The following TESK2 variants were observed in gnomAD, a reference collection of about 807,000 sequenced individuals.
The protein encoded by TESK2 is dual specificity testis-specific protein kinase 2.
A neutral mutation model predicts 57.1 loss-of-function variants in TESK2; 39 were observed. That is an observed-to-expected ratio of 0.68 (90% CI 0.53 to 0.89). The LOEUF (loss-of-function observed/expected upper bound fraction) is 0.89. Among genes scored for constraint, TESK2 ranks in the 40% least tolerant of loss-of-function variants. TESK2 has a pLI of 0.00. For synonymous variants in TESK2, 249 were observed against 267.9 expected (o/e 0.93, Z 0.69); for missense variants, 646 against 732.1 (o/e 0.88, Z 1.36).
At chr1:45,427,165 C>T (rs919429717) in intron 2 of TESK2, among the ~76,000 whole-genome samples, 4 of 151,066 alleles carry the variant, frequency 2.6e-5, no homozygotes, top group African/African-American at 9.8e-5. Flanking sequence ...ATCACTTGAA[C>T]CTGGGAGGCA....
intron 2 of TESK2, among the ~76,000 whole-genome samples, chr1:45,435,304 T>A (rs572511894): frequency 2.6e-5 from 4 of 152,086 alleles, no homozygotes; most frequent in Non-Finnish European, 5.9e-5. Context: ...TTTTTTTGTA[T>A]TGTTTGCAGA....
chr1:45,421,867 A>T, intron 2 of TESK2, 21 bp from the exon 3 acceptor site: 1 of 1,613,360 alleles, frequency 6.2e-7, no homozygotes, highest in Non-Finnish European at 8.5e-7. Context: ...AAATAGAACA[A>T]GAAAAGAGGG....
At chr1:45,359,650 G>T (rs1647592999) in intron 4 of TESK2, among the ~76,000 whole-genome samples, 1 of 151,920 alleles carries the variant, frequency 6.6e-6, no homozygotes. Flanking sequence ...GATCCCCTGA[G>T]GCTAGGAGTT....
intron 2 of TESK2, among the ~76,000 whole-genome samples, chr1:45,436,624 G>A (rs1456490159): frequency 2.0e-5 from 3 of 150,304 alleles, no homozygotes; most frequent in African/African-American, 4.9e-5. Context: ...GAGTAGCTGG[G>A]ATTACAGGCA....
At chr1:45,479,478 T>C (rs1049082187) in intron 1 of TESK2, among the ~76,000 whole-genome samples, 4 of 151,568 alleles carry the variant, frequency 2.6e-5, no homozygotes, top group African/African-American at 7.3e-5. Context: ...GTTGCCCAGG[T>C]TGGAGTGCAA....
chr1:45,457,175 T>C (rs1652141277), intron 2 of TESK2, among the ~76,000 whole-genome samples: 2 of 152,108 alleles, frequency 1.3e-5, no homozygotes, highest in South Asian at 4.1e-4. Context: ...TGTGTGTATA[T>C]ATAATTTTAA....
intron 4 of TESK2, chr1:45,385,388 T>C: frequency 3.1e-6 from 3 of 976,280 alleles, no homozygotes; most frequent in Non-Finnish European, 3.7e-6. Flanking sequence ...GAAACGAGAA[T>C]GAAGATGTAA....
intron 2 of TESK2, among the ~76,000 whole-genome samples, chr1:45,450,491 A>G (rs999044998): frequency 1.3e-5 from 2 of 152,150 alleles, no homozygotes; most frequent in Admixed American, 6.6e-5. Context: ...TACCCTGGGC[A>G]ACAAAACGAG....
intron 1 of TESK2, among the ~76,000 whole-genome samples, chr1:45,475,209 C>CTTT (rs375872140): frequency 9.7e-5 from 11 of 113,152 alleles, no homozygotes; most frequent in African/African-American, 1.8e-4. Flanking sequence ...TTAGCCTGGC[C>CTTT]TTTTTTTTTT....
chr1:45,344,551 C>T lies in TESK2; in HGVS notation c.*289G>A, dbSNP rs1018632085. On this transcript the variant is annotated 3_prime_UTR_variant, in exon 11 of 11. Coordinates refer to ENST00000372086, the MANE Select transcript of TESK2 (RefSeq NM_007170.3). ...GCCAGCTCAGCCTAGAACTAGACAT[C>T]CTCTGGTCCTATCTGGGGAAGTACA... 7.7e-6 allele frequency: 3 copies of T among 389,056 alleles called. No homozygotes were observed. The highest frequency in any genetic ancestry group is 4.1e-5 in the African/African-American group (2 of 49,068). 24.1% of individuals were successfully genotyped at this position (389,056 alleles called of 1,614,324 possible).
chr1:45,441,352 T>C (rs1420401671), intron 2 of TESK2, among the ~76,000 whole-genome samples: 3 of 152,002 alleles, frequency 2.0e-5, no homozygotes, highest in South Asian at 2.1e-4. Context: ...GTATTTTTAA[T>C]AGAGATGGGG....
At chr1:45,431,262 CA>C (rs1650941157) in intron 2 of TESK2, among the ~76,000 whole-genome samples, 1 of 151,986 alleles carries the variant, frequency 6.6e-6, no homozygotes, top group African/African-American at 2.4e-5. Flanking sequence ...ACTAAAAATA[CA>C]AAAAATTGGC....
chr1:45,419,614 T>C (rs1465915391), intron 3 of TESK2, among the ~76,000 whole-genome samples: 1 of 151,964 alleles, frequency 6.6e-6, no homozygotes, highest in Non-Finnish European at 1.5e-5. Flanking sequence ...AAGACAAGCC[T>C]GGCCAACGTG....
At chr1:45,461,021 G>C (rs892472591) in intron 1 of TESK2, among the ~76,000 whole-genome samples, 2 of 152,028 alleles carry the variant, frequency 1.3e-5, no homozygotes, top group Non-Finnish European at 2.9e-5. Flanking sequence ...CAGAGTCATG[G>C]GTCATAATAG....
rs138898425 is a variant in TESK2 at position 45,459,837 on chromosome 1, T to C, written c.-86-1966A>G. On this transcript the variant is annotated intron_variant, in intron 1 of 10. Transcript: ENST00000372086. ...CAGCCTGGGCAACAGGGCAAGACCT[T>C]GTCTCAAAAAAATTTAGGGTTATAA... 3.2e-3 allele frequency among the ~76,000 whole-genome samples: 492 copies of C among 152,134 alleles called. 3 individuals carry two copies. Among genetic ancestry groups the C allele is most frequent in the African/African-American group, 0.011 (471 of 41,500 alleles).
chr1:45,391,598 G>A (rs1053059035), intron 3 of TESK2, among the ~76,000 whole-genome samples: 1 of 152,066 alleles, frequency 6.6e-6, no homozygotes, highest in African/African-American at 2.4e-5. Context: ...TTTATTAAAT[G>A]GCATGAATGA....
intron 3 of TESK2, chr1:45,413,924 C>T: frequency 2.3e-6 from 1 of 440,366 alleles, no homozygotes; most frequent in Admixed American, 2.5e-5. Flanking sequence ...AAGAGCCATA[C>T]TAACAAATAG....
rs1324498532 is a variant in TESK2, at chr1:45,347,686, TC to T, written c.630del (p.Ser211ValfsTer103). 6.2e-7 allele frequency: 1 copy of T among 1,614,036 alleles called. No homozygotes were observed. The highest frequency in any genetic ancestry group is 1.7e-5 in the Admixed American group (1 of 60,022). ...GAACCCACCACGGCCAGCTTCTCACTCCCCATGCTGTGGGGTGAGATTATAC... is the reference window on the plus strand; with the variant it reads ...GAACCCACCACGGCCAGCTTCTCACTCCCATGCTGTGGGGTGAGATTATAC... ...LAEKIPDVSMGSEKLAVVGSP... is the reference protein window; with the variant it reads ...LAEKIPDVSMXSEKLAVVGSP... On this transcript the variant is annotated frameshift_variant, in exon 7 of 11. Transcript: ENST00000372086. LOFTEE classifies it high-confidence loss of function.
chr1:45,344,848 CCTG>C lies in TESK2; in HGVS notation c.1705_1707del (p.Gln569del). 6.2e-7 allele frequency: 1 copy of C among 1,612,218 alleles called. No homozygotes were observed. The highest frequency in any genetic ancestry group is 1.1e-5 in the South Asian group (1 of 90,920). On this transcript the variant is annotated inframe_deletion, in exon 11 of 11. Transcript: ENST00000372086. ...GCAGGGACTAAACCCCCTCACCCAT[CCTG>C]CTTTCCCTGGGTTTGCAGGCCTATG...
Sources: gnomAD v4.1 joint callset for allele counts (sites outside exome capture counted in the v4.1 genomes callset) on GRCh38, gnomAD v4.1.1 for gene constraint, MANE v1.5 for transcripts, NCBI Gene and HGNC (gene_info 2026-07-23, HGNC 2026-07-21) for gene names.